CDH9: variants seen among roughly 807,000 people sequenced by gnomAD.
The protein encoded by CDH9 is cadherin-9.
Under a neutral mutation model 70.9 loss-of-function variants are expected in CDH9, and 28 were observed. The observed-to-expected ratio is 0.40, with a 90% CI of 0.29 to 0.54. The LOEUF (loss-of-function observed/expected upper bound fraction) is 0.54, where lower values mean the gene tolerates loss of function less well. CDH9 is among the 20% of genes least tolerant of loss of function. CDH9 has a pLI of 0.59. For missense variants in CDH9, 874 were observed against 984.4 expected, an observed-to-expected ratio of 0.89 and a Z score of 1.50; for synonymous variants, 409 against 343.1, an observed-to-expected ratio of 1.19 and a Z score of -2.12.
intron 1 of CDH9, among the ~76,000 whole-genome samples, chr5:27,034,325 A>G (rs1189684984): frequency 6.6e-6 from 1 of 151,688 alleles, no homozygotes; most frequent in Non-Finnish European, 1.5e-5. Flanking sequence ...TTTTTAATCC[A>G]TATTTATGAA....
intron 1 of CDH9, among the ~76,000 whole-genome samples, chr5:27,004,275 T>C (rs1420226969): frequency 6.6e-6 from 1 of 151,936 alleles, no homozygotes; most frequent in Non-Finnish European, 1.5e-5. Flanking sequence ...AGAAAGGATG[T>C]TTAGGACAGA....
intron 2 of CDH9, among the ~76,000 whole-genome samples, chr5:26,918,362 C>T (rs1036254677): frequency 7.2e-4 from 110 of 152,320 alleles, no homozygotes; most frequent in African/African-American, 2.5e-3. Context: ...ACATAGCACA[C>T]TTCATTCCCT....
intron 9 of CDH9, among the ~76,000 whole-genome samples, chr5:26,889,027 G>T (rs1312754275): frequency 6.6e-6 from 1 of 152,052 alleles, no homozygotes; most frequent in Non-Finnish European, 1.5e-5. Context: ...ATTTGGAGGA[G>T]GGCTACAAAC....
chr5:26,907,455 A>G (rs1740969950), intron 3 of CDH9, among the ~76,000 whole-genome samples: 1 of 152,094 alleles, frequency 6.6e-6, no homozygotes, highest in African/African-American at 2.4e-5. Context: ...GATATGCTGC[A>G]TAATACTGGT....
chr5:27,022,071 A>G (rs941124489), intron 1 of CDH9, among the ~76,000 whole-genome samples: 10 of 151,858 alleles, frequency 6.6e-5, no homozygotes, highest in African/African-American at 2.2e-4. Flanking sequence ...TTTTCTTATT[A>G]CTCCCATAAC....
At chr5:26,948,686 A>C (rs1276451989) in intron 2 of CDH9, among the ~76,000 whole-genome samples, 1 of 152,228 alleles carries the variant, frequency 6.6e-6, no homozygotes, top group East Asian at 1.9e-4. Flanking sequence ...TATGGAAAGA[A>C]TCAAGGAAAC....
chr5:26,947,252 A>C, intron 2 of CDH9, among the ~76,000 whole-genome samples: 1 of 152,152 alleles, frequency 6.6e-6, no homozygotes, highest in East Asian at 1.9e-4. Context: ...TGTTTACACA[A>C]ATTCCCTTTT....
rs1231839382 is a variant in CDH9, at chr5:26,925,981, TATC to T, written c.229-10060_229-10058del. Among the ~76,000 whole-genome samples, 4 of 152,246 alleles carry T rather than the reference TATC, an allele frequency of 2.6e-5. No individual in the cohort carries two copies. In the East Asian group the frequency reaches 7.7e-4, roughly 29 times the overall value. ...CTATTTATGACACACCCACAGCCAA[TATC>T]ATACTGAATGGGCAGAAACTGGAAG... On this transcript the variant is annotated intron_variant, in intron 2 of 11. Transcript: ENST00000231021.
intron 1 of CDH9, among the ~76,000 whole-genome samples, chr5:26,996,043 G>A (rs1742660127): frequency 6.6e-6 from 1 of 151,880 alleles, no homozygotes; most frequent in Non-Finnish European, 1.5e-5. Context: ...AGGATTTTCA[G>A]CATATAAAAT....
chr5:26,974,951 T>A (rs1452872751), intron 2 of CDH9, among the ~76,000 whole-genome samples: 1 of 152,154 alleles, frequency 6.6e-6, no homozygotes, highest in African/African-American at 2.4e-5. Context: ...ATCCTATCAC[T>A]AACAGTTTTG....
At chr5:26,904,554 A>G (rs570040138) in intron 5 of CDH9, among the ~76,000 whole-genome samples, 13 of 152,238 alleles carry the variant, frequency 8.5e-5, no homozygotes, top group African/African-American at 2.9e-4. Context: ...TCAAAGGACC[A>G]ATTTAGCTAT....
At chr5:26,964,481 A>G (rs182881121) in intron 2 of CDH9, among the ~76,000 whole-genome samples, 4 of 152,278 alleles carry the variant, frequency 2.6e-5, no homozygotes, top group East Asian at 1.9e-4. Flanking sequence ...TAGTAGTACT[A>G]CTAAATTTCC....
intron 7 of CDH9, among the ~76,000 whole-genome samples, chr5:26,897,343 A>C (rs181270086): frequency 6.6e-6 from 1 of 152,270 alleles, no homozygotes; most frequent in African/African-American, 2.4e-5. Context: ...TTCTGATAAC[A>C]AAACATGTCA....
intron 2 of CDH9, among the ~76,000 whole-genome samples, chr5:26,971,090 C>A (rs1742211963): frequency 6.6e-6 from 1 of 152,108 alleles, no homozygotes; most frequent in East Asian, 1.9e-4. Context: ...GACATAAATG[C>A]AAACTCTGCT....
intron 2 of CDH9, among the ~76,000 whole-genome samples, chr5:26,917,647 T>C (rs1306355346): frequency 3.9e-5 from 6 of 152,086 alleles, no homozygotes; most frequent in Non-Finnish European, 8.8e-5. Flanking sequence ...TTGTCACATG[T>C]AGCCTTCCCA....
In CDH9 at chr5:26,900,339, A is replaced by G. The variant is rs1379658516; in HGVS notation, c.1253+2137T>C. Reference sequence around the variant, plus strand: ...ATTATATATCCTACTGTATTCTATGAAGCAGTACTTCCATTTTACCAAATT... The same window carrying G: ...ATTATATATCCTACTGTATTCTATGGAGCAGTACTTCCATTTTACCAAATT... On this transcript the variant is annotated intron_variant, in intron 7 of 11. Transcript: ENST00000231021. Among the ~76,000 whole-genome samples the G allele has an allele frequency of 2.0e-5, 3 of 152,098 alleles. No homozygotes were observed. In the East Asian group the frequency reaches 5.8e-4, roughly 29 times the overall value.
chr5:26,916,070 G>T, intron 2 of CDH9, 146 bp from the exon 3 acceptor site: 1 of 560,288 alleles, frequency 1.8e-6, no homozygotes, highest in Non-Finnish European at 3.1e-6. Context: ...GTGAGAGGGA[G>T]TTAAATATTT....
At chr5:27,033,688 C>T (rs1300935117) in intron 1 of CDH9, among the ~76,000 whole-genome samples, 4 of 151,236 alleles carry the variant, frequency 2.6e-5, no homozygotes, top group Admixed American at 1.3e-4. Context: ...TATTGTGAAG[C>T]ATTTATAACA....
At chr5:26,942,232 A>G (rs915690668) in intron 2 of CDH9, among the ~76,000 whole-genome samples, 1 of 152,182 alleles carries the variant, frequency 6.6e-6, no homozygotes, top group African/African-American at 2.4e-5. Flanking sequence ...ATCTCCTGAG[A>G]ACTCACTCAG....
Sources: allele counts gnomAD v4.1 joint callset (sites outside exome capture counted in the v4.1 genomes callset), GRCh38; gene constraint gnomAD v4.1.1; transcripts MANE v1.5; gene names NCBI Gene and HGNC (gene_info 2026-07-23, HGNC 2026-07-21).